The following SEL1L variants were observed in gnomAD, a reference collection of about 807,000 sequenced individuals.
SEL1L encodes protein sel-1 homolog 1.
A neutral mutation model predicts 109.8 loss-of-function variants in SEL1L; 52 were observed. That is an observed-to-expected ratio of 0.47 (90% CI 0.38 to 0.60). The LOEUF (loss-of-function observed/expected upper bound fraction) is 0.60. Ranked by LOEUF, SEL1L falls within the 20% of genes least tolerant of loss-of-function variation. SEL1L has a pLI of 0.00. For missense variants in SEL1L, 749 were observed against 962.2 expected (o/e 0.78, Z 2.93); for synonymous variants, 373 against 339.6 (o/e 1.10, Z -1.08).
intron 3 of SEL1L, among the ~76,000 whole-genome samples, chr14:81,509,294 C>T (rs1036464991): frequency 6.6e-6 from 1 of 152,096 alleles, no homozygotes; most frequent in Non-Finnish European, 1.5e-5. Flanking sequence ...AAACCTCCAC[C>T]AGAAGAGTAT....
chr14:81,513,126 G>A (rs978979615), intron 3 of SEL1L, among the ~76,000 whole-genome samples: 1 of 152,134 alleles, frequency 6.6e-6, no homozygotes, highest in Non-Finnish European at 1.5e-5. Context: ...ACCAATCAGT[G>A]CTCTGTGTCT....
intron 10 of SEL1L, among the ~76,000 whole-genome samples, chr14:81,495,780 T>C (rs1883723330): frequency 6.6e-6 from 1 of 151,804 alleles, no homozygotes; most frequent in African/African-American, 2.4e-5. Context: ...CTACTAAAAA[T>C]ACAAAAATTA....
At chr14:81,522,878 T>C (rs1884975427) in intron 3 of SEL1L, among the ~76,000 whole-genome samples, 1 of 152,186 alleles carries the variant, frequency 6.6e-6, no homozygotes, top group African/African-American at 2.4e-5. Flanking sequence ...GTTCAGGGAA[T>C]AATGACAAGA....
intron 8 of SEL1L, 127 bp downstream of exon 8, chr14:81,499,332 G>A: frequency 7.0e-7 from 1 of 1,437,226 alleles, no homozygotes; most frequent in Non-Finnish European, 9.1e-7. Context: ...TTTGAAGGAA[G>A]TTCAACTGAA....
intron 3 of SEL1L, among the ~76,000 whole-genome samples, chr14:81,511,883 AC>A (rs1240586822): frequency 6.6e-6 from 1 of 152,254 alleles, no homozygotes; most frequent in Non-Finnish European, 1.5e-5. Flanking sequence ...GCAGAGACAA[AC>A]AGTAAGAAAG....
chr14:81,477,137 T>C lies in SEL1L; in HGVS notation c.2220A>G (p.Gly740=). Residue 740 remains glycine (G), a synonymous_variant, in exon 21 of 21, where the codon GGA becomes GGG. Coordinates refer to ENST00000336735, the MANE Select transcript of SEL1L (RefSeq NM_005065.6). ...FTQLDMDQLL[G]PEWDLYLMTI... ...TCATGAGGTAAAGGTCCCACTCAGG[T>C]CCCAAAAGCTGGTCCATATCAAGTT... 1.7e-5 allele frequency: 27 copies of C among 1,614,114 alleles called. No individual in the cohort carries two copies. Among genetic ancestry groups the C allele is most frequent in the Non-Finnish European group, 1.9e-5 (23 of 1,180,018 alleles).
chr14:81,506,001 T>A lies in SEL1L; in HGVS notation c.508+73A>T, dbSNP rs909747241. 3.5e-6 allele frequency: 5 copies of A among 1,426,588 alleles called. No homozygotes were observed. The African/African-American group carries it at 5.8e-5, about 16-fold the overall frequency. The allele number at this position is 1,426,588 out of a possible 1,614,324, so 88.4% of individuals were successfully genotyped here. A position where few individuals can be genotyped will look rare whatever the true frequency, so the allele number is the denominator to read the frequency against. On this transcript the variant is annotated intron_variant, in intron 4 of 20. Transcript: ENST00000336735. ...CTGACCAATGTGGAAAAAGGATGGC[T>A]AGAAAAAGGCCTTAAAAACATTGCC...
At chr14:81,482,033 C>T (rs938274089) in intron 19 of SEL1L, among the ~76,000 whole-genome samples, 21 of 144,728 alleles carry the variant, frequency 1.5e-4, no homozygotes, top group Admixed American at 6.9e-4. Context: ...TCCATCTCAC[C>T]GAAAAAAAAA....
chr14:81,485,451 G>GTTTT (rs370288974), intron 18 of SEL1L, among the ~76,000 whole-genome samples: 2 of 138,812 alleles, frequency 1.4e-5, no homozygotes, highest in Non-Finnish European at 3.1e-5. Flanking sequence ...AATTTTTTTT[G>GTTTT]TTTTTTTTTT....
intron 1 of SEL1L, among the ~76,000 whole-genome samples, chr14:81,532,986 G>A (rs1885393355): frequency 6.6e-6 from 1 of 152,082 alleles, no homozygotes; most frequent in African/African-American, 2.4e-5. Flanking sequence ...TAGCTAACTG[G>A]AAAATCAATT....
At chr14:81,530,934 ATAAACATAGC>A (rs1317511799) in intron 1 of SEL1L, among the ~76,000 whole-genome samples, 1 of 152,210 alleles carries the variant, frequency 6.6e-6, no homozygotes, top group African/African-American at 2.4e-5. Flanking sequence ...ATTTGTGTAC[ATAAACATAGC>A]TAAACATAGA....
intron 20 of SEL1L, among the ~76,000 whole-genome samples, chr14:81,478,432 C>T (rs967821199): frequency 6.6e-6 from 1 of 151,708 alleles, no homozygotes; most frequent in Non-Finnish European, 1.5e-5. Context: ...TTAAAAAAAA[C>T]AGCAAAGATA....
intron 1 of SEL1L, among the ~76,000 whole-genome samples, chr14:81,528,378 C>T (rs1309388604): frequency 6.6e-6 from 1 of 152,152 alleles, no homozygotes; most frequent in Admixed American, 6.5e-5. Context: ...AAATCAATAA[C>T]TTACATTAAA....
At chr14:81,516,611 C>T (rs375974951) in intron 3 of SEL1L, among the ~76,000 whole-genome samples, 10 of 152,176 alleles carry the variant, frequency 6.6e-5, no homozygotes, top group East Asian at 3.9e-4. Flanking sequence ...TAAAAGTGTA[C>T]GGAGCCCAAA....
At chr14:81,520,652 A>G (rs1191999537) in intron 3 of SEL1L, among the ~76,000 whole-genome samples, 1 of 152,184 alleles carries the variant, frequency 6.6e-6, no homozygotes, top group Non-Finnish European at 1.5e-5. Context: ...GCATCATCAA[A>G]TCACCTTAGA....
At chr14:81,500,562 G>A (rs1883962455) in intron 6 of SEL1L, among the ~76,000 whole-genome samples, 1 of 152,118 alleles carries the variant, frequency 6.6e-6, no homozygotes, top group African/African-American at 2.4e-5. Context: ...AAGACAAAAA[G>A]TTTAGCTTGA....
At chr14:81,503,148 G>C (rs753878123) in intron 5 of SEL1L, among the ~76,000 whole-genome samples, 2 of 151,186 alleles carry the variant, frequency 1.3e-5, no homozygotes, top group Admixed American at 6.6e-5. Flanking sequence ...GTGCGCCACC[G>C]TGCCTGGCTA....
At chr14:81,505,949 T>C in intron 4 of SEL1L, 125 bp downstream of exon 4, 1 of 894,756 alleles carries the variant, frequency 1.1e-6, no homozygotes, top group African/African-American at 1.7e-5. Context: ...TTTAAGGCTG[T>C]AATGACATCA....
intron 8 of SEL1L, chr14:81,499,076 T>G (rs1883896346): frequency 1.1e-5 from 10 of 898,662 alleles, no homozygotes; most frequent in Non-Finnish European, 1.3e-5. Flanking sequence ...TAATATTTCA[T>G]GTTGTTTTTC....
Sources: allele counts gnomAD v4.1 joint callset (sites outside exome capture counted in the v4.1 genomes callset), GRCh38; gene constraint gnomAD v4.1.1; transcripts MANE v1.5; gene names NCBI Gene and HGNC (gene_info 2026-07-23, HGNC 2026-07-21).